TGFBR3: variants seen among roughly 807,000 people sequenced by gnomAD.
TGFBR3 encodes the protein transforming growth factor beta receptor type 3.
A neutral mutation model predicts 87.9 loss-of-function variants in TGFBR3; 46 were observed. The ratio of observed to expected loss-of-function variants is 0.52; its 90% CI spans 0.41 to 0.67. The LOEUF (loss-of-function observed/expected upper bound fraction) is 0.67, where lower values mean the gene tolerates loss of function less well. TGFBR3 is among the 30% of genes least tolerant of loss of function. TGFBR3 has a pLI of 0.00. For missense variants in TGFBR3, 866 were observed against 1,041.9 expected, an observed-to-expected ratio of 0.83 and a Z score of 2.32; for synonymous variants, 381 against 391.6, an observed-to-expected ratio of 0.97 and a Z score of 0.32.
chr1:91,692,555 C>A (rs1412652343), intron 16 of TGFBR3, among the ~76,000 whole-genome samples: 1 of 152,172 alleles, frequency 6.6e-6, no homozygotes, highest in Non-Finnish European at 1.5e-5. Flanking sequence ...TAGGGACCTT[C>A]ATGGACTAGA....
intron 2 of TGFBR3, among the ~76,000 whole-genome samples, chr1:91,826,606 T>A (rs1242508141): frequency 6.6e-6 from 1 of 152,180 alleles, no homozygotes; most frequent in African/African-American, 2.4e-5. Flanking sequence ...AGCAAACCGA[T>A]GGCTCCTGAC....
At chr1:91,873,109 A>G (rs1678647167) in intron 1 of TGFBR3, among the ~76,000 whole-genome samples, 1 of 151,900 alleles carries the variant, frequency 6.6e-6, no homozygotes, top group Non-Finnish European at 1.5e-5. Flanking sequence ...CAGGGACTAC[A>G]GGTGTGCCCC....
intron 12 of TGFBR3, among the ~76,000 whole-genome samples, chr1:91,713,281 G>C (rs1443577576): frequency 6.6e-6 from 1 of 152,152 alleles, no homozygotes; most frequent in Non-Finnish European, 1.5e-5. Flanking sequence ...GAAAACACTT[G>C]TATGGGCTAC....
chr1:91,733,904 A>C (rs1163933322), intron 5 of TGFBR3, among the ~76,000 whole-genome samples: 2 of 152,052 alleles, frequency 1.3e-5, no homozygotes, highest in African/African-American at 4.8e-5. Context: ...GTATGATGGC[A>C]TATGCCTGTA....
At position 91,722,898 on chromosome 1, in the gene TGFBR3, G is replaced by A. The variant is rs17878819; in HGVS notation, c.886-754C>T. On this transcript the variant is annotated intron_variant, in intron 7 of 16. Transcript: ENST00000212355. ...GGTATTACAATCTGATAAGACCACT[G>A]TCGTATATGTGGTCCCTCACTGACT... Among the ~76,000 whole-genome samples, 11 of 152,316 alleles carry A rather than the reference G, an allele frequency of 7.2e-5. No homozygotes were observed. In the East Asian group the frequency reaches 2.1e-3, roughly 29 times the overall value.
chr1:91,778,785 T>C (rs1674662525), intron 3 of TGFBR3, among the ~76,000 whole-genome samples: 2 of 152,228 alleles, frequency 1.3e-5, no homozygotes, highest in South Asian at 4.1e-4. Flanking sequence ...GCAGAAGAGA[T>C]AGACAGTGAA....
intron 2 of TGFBR3, among the ~76,000 whole-genome samples, chr1:91,800,399 C>T (rs1276975550): frequency 6.7e-6 from 1 of 149,762 alleles, no homozygotes; most frequent in Non-Finnish European, 1.5e-5. Flanking sequence ...GTCCCAGCTA[C>T]TTGGGAGGCA....
At chr1:91,810,607 G>A (rs1460045153) in intron 2 of TGFBR3, among the ~76,000 whole-genome samples, 1 of 152,194 alleles carries the variant, frequency 6.6e-6, no homozygotes, top group Non-Finnish European at 1.5e-5. Flanking sequence ...TTTGTTGAGT[G>A]ATGAATTCAT....
chr1:91,835,086 T>C (rs1452577502), intron 2 of TGFBR3, among the ~76,000 whole-genome samples: 1 of 152,198 alleles, frequency 6.6e-6, no homozygotes, highest in African/African-American at 2.4e-5. Context: ...ACCCAGCCAC[T>C]GCCTATCCCC....
At chr1:91,839,160 T>C (rs1213001226) in intron 2 of TGFBR3, among the ~76,000 whole-genome samples, 1 of 152,120 alleles carries the variant, frequency 6.6e-6, no homozygotes, top group Non-Finnish European at 1.5e-5. Context: ...TAGTTTTTCG[T>C]AGAGACACGG....
At chr1:91,714,426 G>C (rs1431280439) in intron 12 of TGFBR3, among the ~76,000 whole-genome samples, 3 of 152,142 alleles carry the variant, frequency 2.0e-5, no homozygotes, top group Non-Finnish European at 4.4e-5. Context: ...GATGACCAAT[G>C]AACAGGTGGC....
At position 91,758,676 on chromosome 1, in the gene TGFBR3, T is replaced by C. The variant is rs202175419; in HGVS notation, c.321A>G (p.Pro107=). The C allele has an allele frequency of 1.2e-6, 2 of 1,613,788 alleles. No individual in the cohort carries two copies. Among genetic ancestry groups the C allele is most frequent in the South Asian group, 1.1e-5 (1 of 91,066 alleles). The change falls in exon 4 of 17, where the codon CCA becomes CCG. Residue 107 remains proline, a synonymous_variant. Coordinates refer to ENST00000212355, the MANE Select transcript of TGFBR3 (RefSeq NM_003243.5). ...HKSVVFLLNS[P]HPLVWHLKTE... ...TCTTCAGATGCCACACCAGGGGGTG[T>C]GGGGAGTTGAGCAGGAACACAACAG...
intron 1 of TGFBR3, among the ~76,000 whole-genome samples, chr1:91,871,353 T>A (rs1214318348): frequency 6.6e-6 from 1 of 152,200 alleles, no homozygotes; most frequent in Admixed American, 6.5e-5. Context: ...AGTTTTAGTT[T>A]ACTTCATTCA....
chr1:91,904,181 CAAA>C (rs1387435565), intron 1 of TGFBR3, among the ~76,000 whole-genome samples: 1 of 151,662 alleles, frequency 6.6e-6, no homozygotes, highest in East Asian at 1.9e-4. Flanking sequence ...AACACTGTCT[CAAA>C]AAACTATAGT....
At position 91,680,768 on chromosome 1, in the gene TGFBR3, C is replaced by A. The variant is rs376434814; in HGVS notation, c.*2971G>T. On this transcript the variant is annotated 3_prime_UTR_variant, in exon 17 of 17. Coordinates refer to ENST00000212355, the MANE Select transcript of TGFBR3 (RefSeq NM_003243.5). The stretch of plus-strand genomic sequence containing the variant: ...TAGTTACAGTACAAAAAGACTGGCA[C>A]GCGTGTGAGCACCCCACACACACTC... The A allele has an allele frequency of 2.2e-6, 1 of 453,996 alleles. No individual in the cohort carries two copies. Among genetic ancestry groups the A allele is most frequent in the African/African-American group, 2.0e-5 (1 of 50,070 alleles). 28.1% of individuals were successfully genotyped at this position (453,996 alleles called of 1,614,324 possible). A position where few individuals can be genotyped will look rare whatever the true frequency, so the allele number is the denominator to read the frequency against.
intron 3 of TGFBR3, among the ~76,000 whole-genome samples, chr1:91,796,624 G>A (rs1277913597): frequency 6.6e-6 from 1 of 152,170 alleles, no homozygotes; most frequent in Non-Finnish European, 1.5e-5. Flanking sequence ...AAAGAAAGAA[G>A]ACAGAGGACA....
At chr1:91,775,955 T>C (rs1347576985) in intron 3 of TGFBR3, among the ~76,000 whole-genome samples, 1 of 152,232 alleles carries the variant, frequency 6.6e-6, no homozygotes, top group Non-Finnish European at 1.5e-5. Flanking sequence ...TCAGCAATAT[T>C]TTGGCACAGG....
At chr1:91,698,938 T>A (rs1038591613) in intron 14 of TGFBR3, among the ~76,000 whole-genome samples, 7 of 151,666 alleles carry the variant, frequency 4.6e-5, no homozygotes, top group African/African-American at 1.7e-4. Flanking sequence ...CCCCCTTATC[T>A]CCACCACTAC....
At chr1:91,838,976 A>C (rs1199300240) in intron 2 of TGFBR3, among the ~76,000 whole-genome samples, 1 of 151,808 alleles carries the variant, frequency 6.6e-6, no homozygotes, top group Admixed American at 6.6e-5. Flanking sequence ...AAGTTTTTTT[A>C]TGTTTGTTTG....
Sources: gnomAD v4.1 joint callset for allele counts (sites outside exome capture counted in the v4.1 genomes callset) on GRCh38, gnomAD v4.1.1 for gene constraint, MANE v1.5 for transcripts, NCBI Gene and HGNC (gene_info 2026-07-23, HGNC 2026-07-21) for gene names.